IL1RAPL1: variants seen among roughly 807,000 people sequenced by gnomAD.
IL1RAPL1 encodes the protein interleukin 1 receptor accessory protein like 1, also known as interleukin-1 receptor accessory protein-like 1.
IL1RAPL1 carries 3 observed loss-of-function variants against 48.4 expected under a neutral mutation model. The ratio of observed to expected loss-of-function variants is 0.06; its 90% CI spans 0.03 to 0.16. The LOEUF (loss-of-function observed/expected upper bound fraction) is 0.16. Among genes scored for constraint, IL1RAPL1 ranks in the 10% least tolerant of loss-of-function variants. IL1RAPL1 has a pLI of 1.00. For missense variants in IL1RAPL1, 349 were observed against 530.6 expected (o/e 0.66, Z 3.36); for synonymous variants, 185 against 187.7 (o/e 0.99, Z 0.12).
chrX:29,143,396 C>T (rs1929283633), intron 2 of IL1RAPL1, among the ~76,000 whole-genome samples: 1 of 111,761 alleles, frequency 8.9e-6, no homozygotes, highest in Non-Finnish European at 1.9e-5. Flanking sequence ...ACAGTAGTTC[C>T]CCCTTAACCA....
rs1348389479 is a variant in IL1RAPL1, at chrX:29,766,395, ATATATATCCAAATATATATATATT to A, written c.778+97921_778+97944del. On this transcript the variant is annotated intron_variant, in intron 6 of 10. Transcript: ENST00000378993. ...TAGATAGATAGATAGATATTTTTAT[ATATATATCCAAATATATATATATT>A]TATATATCCAAATATATATATATTT... Among the ~76,000 whole-genome samples, 447 of 96,741 alleles carry A rather than the reference ATATATATCCAAATATATATATATT, an allele frequency of 4.6e-3. 5 individuals carry two copies. The highest frequency in any genetic ancestry group is 0.016 in the East Asian group (53 of 3,338). The allele number at this position is 96,741 out of a possible 115,157, so 84.0% of individuals were successfully genotyped here. A position where few individuals can be genotyped will look rare whatever the true frequency, so the allele number is the denominator to read the frequency against.
intron 2 of IL1RAPL1, among the ~76,000 whole-genome samples, chrX:29,080,418 TAAA>T (rs1233334674): frequency 9.1e-6 from 1 of 109,625 alleles, no homozygotes. Flanking sequence ...AACAAAAAAA[TAAA>T]AAAGGGAAGA....
intron 6 of IL1RAPL1, among the ~76,000 whole-genome samples, chrX:29,709,464 G>A (rs1927283805): frequency 1.8e-5 from 2 of 111,084 alleles, no homozygotes; most frequent in Non-Finnish European, 3.8e-5. Context: ...TAAATATATG[G>A]GTTTGTTTCT....
At chrX:28,840,353 A>G in intron 2 of IL1RAPL1, among the ~76,000 whole-genome samples, 1 of 110,502 alleles carries the variant, frequency 9.0e-6, no homozygotes, top group South Asian at 3.8e-4. Context: ...ATTTTTTAAC[A>G]CTAAAACTTT....
chrX:28,926,698 A>G (rs1234907277), intron 2 of IL1RAPL1, among the ~76,000 whole-genome samples: 2 of 111,632 alleles, frequency 1.8e-5, no homozygotes, highest in African/African-American at 6.5e-5. Context: ...CCAAGCACCA[A>G]ACATCCTATT....
At chrX:29,261,238 A>G (rs1215701104) in intron 2 of IL1RAPL1, among the ~76,000 whole-genome samples, 1 of 110,642 alleles carries the variant, frequency 9.0e-6, no homozygotes, top group Non-Finnish European at 1.9e-5. Flanking sequence ...GTTGCCTTTC[A>G]GATTGCTGTG....
rs1455918890 is a variant in IL1RAPL1 at position 29,293,189 on chromosome X, G to C, written c.362+9972G>C. Among the ~76,000 whole-genome samples the C allele has an allele frequency of 2.7e-5, 3 of 111,662 alleles. No individual in the cohort carries two copies. In the East Asian group the frequency reaches 8.4e-4, roughly 31 times the overall value. Reference sequence around the variant, plus strand: ...TCAAAAACAACAAATTCAATTGATGGAAGTAAAAGCCAAGAGCTGTGTGAA... The same window carrying C: ...TCAAAAACAACAAATTCAATTGATGCAAGTAAAAGCCAAGAGCTGTGTGAA... On this transcript the variant is annotated intron_variant, in intron 3 of 10. Transcript: ENST00000378993.
intron 6 of IL1RAPL1, among the ~76,000 whole-genome samples, chrX:29,819,604 T>C (rs1930566354): frequency 9.0e-6 from 1 of 110,618 alleles, no homozygotes; most frequent in African/African-American, 3.3e-5. Flanking sequence ...TAATTATTGC[T>C]AATATTAAGA....
intron 2 of IL1RAPL1, among the ~76,000 whole-genome samples, chrX:29,081,025 T>TCTC (rs56240244): frequency 1.9e-3 from 86 of 44,546 alleles, no homozygotes; most frequent in East Asian, 3.9e-3. Context: ...TCTCTCTTTC[T>TCTC]TTTCTTTTCT....
chrX:29,436,636 C>T, intron 5 of IL1RAPL1, among the ~76,000 whole-genome samples: 1 of 109,438 alleles, frequency 9.1e-6, no homozygotes, highest in Non-Finnish European at 1.9e-5. Context: ...TCTTTAATCA[C>T]TTGAGAAAGA....
chrX:29,730,346 T>TA (rs1927883898), intron 6 of IL1RAPL1, among the ~76,000 whole-genome samples: 1 of 112,342 alleles, frequency 8.9e-6, no homozygotes, highest in African/African-American at 3.2e-5. Flanking sequence ...ATGCTGGAGA[T>TA]ACAAGTAACC....
chrX:29,725,707 A>ATG (rs1210283280), intron 6 of IL1RAPL1, among the ~76,000 whole-genome samples: 2 of 111,715 alleles, frequency 1.8e-5, no homozygotes, highest in Non-Finnish European at 3.8e-5. Context: ...ATTCCTAAAG[A>ATG]TGTGTGTGTG....
chrX:29,405,459 C>T (rs1255672866), intron 5 of IL1RAPL1, among the ~76,000 whole-genome samples: 2 of 97,685 alleles, frequency 2.0e-5, no homozygotes, highest in Non-Finnish European at 3.9e-5. Context: ...CTCCGCCTCC[C>T]GGGTTCACGC....
intron 2 of IL1RAPL1, among the ~76,000 whole-genome samples, chrX:29,248,099 A>C (rs1315290217): frequency 8.9e-6 from 1 of 112,095 alleles, no homozygotes; most frequent in Non-Finnish European, 1.9e-5. Context: ...AAGTTAGCAA[A>C]AGAAAAAGAC....
intron 6 of IL1RAPL1, among the ~76,000 whole-genome samples, chrX:29,683,098 C>T (rs1337387199): frequency 8.9e-6 from 1 of 111,992 alleles, no homozygotes; most frequent in Non-Finnish European, 1.9e-5. Flanking sequence ...AGGCAGATCT[C>T]TAAATTTAGT....
At chrX:29,831,044 A>G (rs1473928198) in intron 6 of IL1RAPL1, among the ~76,000 whole-genome samples, 7 of 111,763 alleles carry the variant, frequency 6.3e-5, no homozygotes, top group African/African-American at 1.3e-4. Context: ...TAAAAGGAAA[A>G]TTAGAGACAA....
intron 3 of IL1RAPL1, chrX:29,369,798 C>G (rs1933519153): frequency 8.9e-6 from 1 of 111,961 alleles, no homozygotes; most frequent in African/African-American, 3.2e-5. Context: ...TAGAATATCT[C>G]TTGCAGCATT....
intron 3 of IL1RAPL1, among the ~76,000 whole-genome samples, chrX:29,339,845 T>C (rs1024361929): frequency 8.0e-5 from 9 of 112,150 alleles, no homozygotes; most frequent in African/African-American, 2.9e-4. Flanking sequence ...AGATTTTCCT[T>C]GTTTTTGAGG....
chrX:29,286,381 A>T (rs1160764838), intron 3 of IL1RAPL1, among the ~76,000 whole-genome samples: 1 of 111,770 alleles, frequency 8.9e-6, no homozygotes, highest in Non-Finnish European at 1.9e-5. Flanking sequence ...GTTTACTCTT[A>T]AAAAAATAAA....
Sources: gnomAD v4.1 joint callset for allele counts (sites outside exome capture counted in the v4.1 genomes callset) on GRCh38, gnomAD v4.1.1 for gene constraint, MANE v1.5 for transcripts, NCBI Gene and HGNC (gene_info 2026-07-23, HGNC 2026-07-21) for gene names.